Variants in PPP2R2B observed in about 807,000 individuals in gnomAD.
PPP2R2B encodes protein phosphatase 2 regulatory subunit Bbeta.
Under a neutral mutation model 46.0 loss-of-function variants are expected in PPP2R2B, and 5 were observed. The observed-to-expected ratio is 0.11, with a 90% CI of 0.06 to 0.23. PPP2R2B has a LOEUF of 0.23. Among genes scored for constraint, PPP2R2B ranks in the 10% least tolerant of loss-of-function variants. The pLI is 1.00. For synonymous variants in PPP2R2B, 215 were observed against 206.7 expected, an observed-to-expected ratio of 1.04 and a Z score of -0.34; for missense variants, 367 against 575.0, an observed-to-expected ratio of 0.64 and a Z score of 3.70.
intron 2 of PPP2R2B, among the ~76,000 whole-genome samples, chr5:146,710,167 C>A (rs1373932421): frequency 6.6e-6 from 1 of 152,128 alleles, no homozygotes; most frequent in East Asian, 1.9e-4. Flanking sequence ...GAATGCCAAC[C>A]CCAATTTATT....
chr5:146,662,608 T>C (rs1776737032), intron 5 of PPP2R2B, among the ~76,000 whole-genome samples: 2 of 152,210 alleles, frequency 1.3e-5, no homozygotes, highest in African/African-American at 4.8e-5. Flanking sequence ...GAAATAAATT[T>C]CTTTTCTTTA....
Position 146,586,225 on chromosome 5 carries a change from G to A in PPP2R2B, c.*3722C>T, listed in dbSNP as rs1277244179. 6.6e-6 allele frequency: 1 copy of A among 152,302 alleles called. No homozygotes were observed. Among genetic ancestry groups the A allele is most frequent in the Non-Finnish European group, 1.5e-5 (1 of 68,112 alleles). The allele number at this position is 152,302 out of a possible 1,614,324, so 9.4% of individuals were successfully genotyped here. On this transcript the variant is annotated 3_prime_UTR_variant, in exon 10 of 10. Coordinates refer to ENST00000394411, the MANE Select transcript of PPP2R2B (RefSeq NM_181675.4). Reference sequence around the variant, plus strand: ...CTGTGTCAGGGGATTTGTTTTGGAAGTGGGGTGGCATTATTAAAAACACAC... The same window carrying A: ...CTGTGTCAGGGGATTTGTTTTGGAAATGGGGTGGCATTATTAAAAACACAC...
intron 9 of PPP2R2B, among the ~76,000 whole-genome samples, chr5:146,590,818 A>G (rs1162174710): frequency 1.3e-5 from 2 of 152,172 alleles, no homozygotes; most frequent in African/African-American, 4.8e-5. Flanking sequence ...AAACTTATCT[A>G]CGAAATGGAT....
chr5:147,068,460 A>T (rs2151910040), intron 2 of PPP2R2B, among the ~76,000 whole-genome samples: 1 of 152,292 alleles, frequency 6.6e-6, no homozygotes, highest in Non-Finnish European at 1.5e-5. Flanking sequence ...AAAGAGTATT[A>T]CTTTATGTGA....
intron 2 of PPP2R2B, among the ~76,000 whole-genome samples, chr5:146,740,341 T>A (rs1272426320): frequency 1.3e-5 from 2 of 152,126 alleles, no homozygotes; most frequent in Non-Finnish European, 2.9e-5. Flanking sequence ...CCTAAGTTAC[T>A]AAGAGCACCT....
chr5:146,798,753 T>A (rs1756688478), intron 2 of PPP2R2B, among the ~76,000 whole-genome samples: 1 of 152,166 alleles, frequency 6.6e-6, no homozygotes, highest in South Asian at 2.1e-4. Context: ...ATCAATAACT[T>A]GATGAGGTAG....
At chr5:146,805,225 T>A (rs1051796037) in intron 2 of PPP2R2B, among the ~76,000 whole-genome samples, 8 of 152,168 alleles carry the variant, frequency 5.3e-5, no homozygotes, top group African/African-American at 1.7e-4. Flanking sequence ...TTGGGGACCC[T>A]GAGCCATTTG....
intron 1 of PPP2R2B, among the ~76,000 whole-genome samples, chr5:146,900,592 T>TTCCC (rs1762801939): frequency 6.7e-6 from 1 of 149,524 alleles, no homozygotes; most frequent in African/African-American, 2.5e-5. Context: ...CCTTCCTTCC[T>TTCCC]TCTTTCCTTC....
chr5:147,003,027 A>G (rs1216249421), intron 1 of PPP2R2B, among the ~76,000 whole-genome samples: 1 of 152,124 alleles, frequency 6.6e-6, no homozygotes, highest in African/African-American at 2.4e-5. Context: ...ATGGGGAAAA[A>G]TGGCCACCTG....
rs1412823282 is a variant in PPP2R2B at position 146,586,562 on chromosome 5, T to C, written c.*3385A>G. 2.6e-5 allele frequency: 4 copies of C among 152,200 alleles called. No homozygotes were observed. The allele number at this position is 152,200 out of a possible 1,614,324, so 9.4% of individuals were successfully genotyped here. On this transcript the variant is annotated 3_prime_UTR_variant, in exon 10 of 10. Transcript: ENST00000394411. ...CCTAGAATATTCAAAGGAAGTTTAG[T>C]GGAGATAGCTGACTTATTTCATTGG...
At chr5:146,971,883 C>T (rs1281280200) in intron 1 of PPP2R2B, among the ~76,000 whole-genome samples, 1 of 152,146 alleles carries the variant, frequency 6.6e-6, no homozygotes, top group Admixed American at 6.5e-5. Context: ...ATATTCCTTA[C>T]TCAGTTTCCC....
At chr5:146,740,716 A>G (rs1162507213) in intron 2 of PPP2R2B, among the ~76,000 whole-genome samples, 1 of 151,828 alleles carries the variant, frequency 6.6e-6, no homozygotes, top group East Asian at 1.9e-4. Flanking sequence ...CTGTCTGATT[A>G]TTTTTTCACA....
At chr5:146,800,147 A>G (rs1264651001) in intron 2 of PPP2R2B, among the ~76,000 whole-genome samples, 1 of 152,206 alleles carries the variant, frequency 6.6e-6, no homozygotes, top group Non-Finnish European at 1.5e-5. Flanking sequence ...CTCTAGGTCC[A>G]TGCATCTTGA....
At chr5:146,646,123 T>A (rs1316707445) in intron 6 of PPP2R2B, among the ~76,000 whole-genome samples, 2 of 152,250 alleles carry the variant, frequency 1.3e-5, no homozygotes, top group African/African-American at 4.8e-5. Flanking sequence ...CTCAGTGTAT[T>A]TGATGAACAT....
intron 1 of PPP2R2B, among the ~76,000 whole-genome samples, chr5:146,955,562 GC>G (rs2151838390): frequency 6.6e-6 from 1 of 152,098 alleles, no homozygotes; most frequent in South Asian, 2.1e-4. Flanking sequence ...AAAAAATTAA[GC>G]CATTCAAATA....
intron 2 of PPP2R2B, among the ~76,000 whole-genome samples, chr5:146,739,850 C>G (rs1411744527): frequency 6.6e-6 from 1 of 152,166 alleles, no homozygotes; most frequent in South Asian, 2.1e-4. Context: ...ATGCTTAATA[C>G]TTATTTTAAT....
chr5:146,664,942 A>G (rs2081041), intron 5 of PPP2R2B, among the ~76,000 whole-genome samples: 143,271 of 152,196 alleles, frequency 0.94, 67,791 homozygotes, highest in East Asian at 1. Flanking sequence ...AAATAAATCT[A>G]GTTTTCTAGG....
chr5:146,883,556 CTTCTCTTGGACT>C (rs1762234431), upstream of PPP2R2B, among the ~76,000 whole-genome samples: 1 of 152,204 alleles, frequency 6.6e-6, no homozygotes, highest in Non-Finnish European at 1.5e-5. Context: ...TCAGGATTAT[CTTCTCTTGGACT>C]TTCTCATTAT....
intron 2 of PPP2R2B, among the ~76,000 whole-genome samples, chr5:146,716,166 T>A (rs1216694522): frequency 6.7e-6 from 1 of 148,822 alleles, no homozygotes; most frequent in Admixed American, 6.6e-5. Context: ...GTTTACTGAC[T>A]AAATAAAAAA....
Sources: allele counts gnomAD v4.1 joint callset (sites outside exome capture counted in the v4.1 genomes callset), GRCh38; gene constraint gnomAD v4.1.1; transcripts MANE v1.5; gene names NCBI Gene and HGNC (gene_info 2026-07-23, HGNC 2026-07-21).